Variants in FBN2 observed in about 807,000 individuals in gnomAD.
FBN2 encodes fibrillin-2.
A neutral mutation model predicts 355.6 loss-of-function variants in FBN2; 105 were observed. The observed-to-expected ratio is 0.30, with a 90% CI of 0.25 to 0.35. FBN2 has a LOEUF of 0.35. Ranked by LOEUF, FBN2 falls within the 10% of genes least tolerant of loss-of-function variation. FBN2 has a pLI of 1.00. For missense variants in FBN2, 3,280 were observed against 3,758.7 expected, an observed-to-expected ratio of 0.87 and a Z score of 3.33; for synonymous variants, 1,350 against 1,301.2, an observed-to-expected ratio of 1.04 and a Z score of -0.81.
intron 25 of FBN2, among the ~76,000 whole-genome samples, chr5:128,342,787 A>G (rs1207250229): frequency 6.6e-6 from 1 of 151,356 alleles, no homozygotes; most frequent in Admixed American, 6.6e-5. Context: ...GGAGTGCAAT[A>G]GCACGATCTC....
At chr5:128,403,110 A>C (rs1258693660) in intron 8 of FBN2, among the ~76,000 whole-genome samples, 2 of 152,144 alleles carry the variant, frequency 1.3e-5, no homozygotes, top group South Asian at 2.1e-4. Context: ...GCACACATGC[A>C]TGTGGAATCA....
intron 5 of FBN2, among the ~76,000 whole-genome samples, chr5:128,504,335 C>T (rs981525789): frequency 6.6e-6 from 1 of 152,162 alleles, no homozygotes; most frequent in African/African-American, 2.4e-5. Flanking sequence ...CACCATCCTC[C>T]AGACCCCAGA....
chr5:128,526,049 A>G (rs1412129515), intron 4 of FBN2, among the ~76,000 whole-genome samples: 1 of 152,106 alleles, frequency 6.6e-6, no homozygotes, highest in Non-Finnish European at 1.5e-5. Flanking sequence ...CCTTAACAGA[A>G]TATCTTTCTT....
At chr5:128,369,588 T>C (rs1050437260) in intron 15 of FBN2, among the ~76,000 whole-genome samples, 3 of 152,216 alleles carry the variant, frequency 2.0e-5, no homozygotes, top group African/African-American at 7.2e-5. Flanking sequence ...GTATCCATTG[T>C]CCGATGTATT....
chr5:128,297,135 T>G (rs1001853672), intron 48 of FBN2, among the ~76,000 whole-genome samples: 5 of 152,152 alleles, frequency 3.3e-5, no homozygotes, highest in African/African-American at 1.2e-4. Flanking sequence ...AGTTTCCATG[T>G]AGTTGAGCGG....
Position 128,288,530 on chromosome 5 carries a change from G to C in FBN2, c.6665C>G (p.Pro2222Arg). The C allele has an allele frequency of 6.2e-7, 1 of 1,613,686 alleles. No homozygotes were observed. The highest frequency in any genetic ancestry group is 8.5e-7 in the Non-Finnish European group (1 of 1,179,836). The change falls in exon 53 of 65, where the codon CCG (proline) becomes CGG (arginine). Residue 2222 changes from proline (P) to arginine (R), a missense_variant. Physicochemically the swap from Pro to Arg is moderately radical, Grantham distance 103. Coordinates refer to ENST00000262464, the MANE Select transcript of FBN2 (RefSeq NM_001999.4). ...VDTDECSIGN[P>R]CGNGTCTNVI... ...ATTGGTGCATGTACCATTTCCACAC[G>C]GATTGCCGATTGAACACTCATCAGT...
chr5:128,286,768 C>A lies in FBN2; in HGVS notation c.6962G>T (p.Cys2321Phe). The A allele has an allele frequency of 6.2e-7, 1 of 1,614,170 alleles. No individual in the cohort carries two copies. Among genetic ancestry groups the A allele is most frequent in the Non-Finnish European group, 8.5e-7 (1 of 1,179,984 alleles). Residue 2321 changes from cysteine to phenylalanine, a missense_variant, in exon 55 of 65, where the codon TGC (cysteine) becomes TTC (phenylalanine). Coordinates refer to ENST00000262464, the MANE Select transcript of FBN2 (RefSeq NM_001999.4). ...MCKNLIGTFM[C>F]ICPPGMARRP... ...TCGGGCCATTCCAGGAGGGCAGATG[C>A]ACATGAAGGTGCCGATTAGATTCTT...
At chr5:128,397,923 C>A (rs1752692935) in intron 8 of FBN2, among the ~76,000 whole-genome samples, 1 of 152,020 alleles carries the variant, frequency 6.6e-6, no homozygotes, top group African/African-American at 2.4e-5. Context: ...TTCCAAAGAG[C>A]CATATGCTTA....
At chr5:128,274,967 C>T (rs890383215) in intron 59 of FBN2, among the ~76,000 whole-genome samples, 2 of 152,318 alleles carry the variant, frequency 1.3e-5, no homozygotes, top group East Asian at 3.9e-4. Flanking sequence ...CTCAAAGCTA[C>T]TATCCAAAGG....
intron 29 of FBN2, 58 bp downstream of exon 29, chr5:128,335,397 A>T: frequency 6.2e-7 from 1 of 1,612,962 alleles, no homozygotes; most frequent in South Asian, 1.1e-5. Context: ...ATCTGGAGCC[A>T]TATTTTCAAG....
chr5:128,317,501 T>C (rs1402837689), intron 36 of FBN2, among the ~76,000 whole-genome samples: 1 of 152,180 alleles, frequency 6.6e-6, no homozygotes, highest in Middle Eastern at 3.2e-3. Flanking sequence ...CTGAGGACAG[T>C]AGGCAGATTT....
intron 5 of FBN2, among the ~76,000 whole-genome samples, chr5:128,500,020 C>CT (rs1755762549): frequency 6.6e-6 from 1 of 152,098 alleles, no homozygotes. Context: ...GTAATATGCA[C>CT]TTAATAAAGT....
chr5:128,498,130 C>G (rs1297593431), intron 5 of FBN2, among the ~76,000 whole-genome samples: 1 of 152,186 alleles, frequency 6.6e-6, no homozygotes, highest in Non-Finnish European at 1.5e-5. Flanking sequence ...CCTTTGGGGA[C>G]TCCAGAAAGA....
chr5:128,451,403 A>T (rs1009433624), intron 6 of FBN2, among the ~76,000 whole-genome samples: 4 of 152,078 alleles, frequency 2.6e-5, no homozygotes, highest in African/African-American at 9.7e-5. Context: ...TGTTATTATT[A>T]TTTTTTGAGA....
chr5:128,376,994 C>A, intron 13 of FBN2, 141 bp from the exon 14 acceptor site: 2 of 993,934 alleles, frequency 2.0e-6, no homozygotes, highest in South Asian at 2.7e-5. Context: ...AAAAAAAGAA[C>A]GCCAACTGAA....
intron 5 of FBN2, among the ~76,000 whole-genome samples, chr5:128,466,568 A>C (rs553935443): frequency 6.6e-6 from 1 of 152,308 alleles, no homozygotes; most frequent in South Asian, 2.1e-4. Flanking sequence ...ACCACATAAA[A>C]CTTCGATTTG....
intron 62 of FBN2, among the ~76,000 whole-genome samples, chr5:128,263,934 A>T (rs1237163757): frequency 6.6e-6 from 1 of 152,176 alleles, no homozygotes; most frequent in Non-Finnish European, 1.5e-5. Context: ...CCTAGTGAAT[A>T]ACTCTTCTAT....
chr5:128,387,120 C>T (rs1006532628), intron 11 of FBN2, among the ~76,000 whole-genome samples: 1 of 152,060 alleles, frequency 6.6e-6, no homozygotes, highest in East Asian at 1.9e-4. Context: ...AATTTCAGAA[C>T]TCATTTTTGG....
In FBN2 at chr5:128,475,775, G is replaced by A. The variant is rs183491654; in HGVS notation, c.629-10854C>T. ...GAAAGAACAGTCTACCTACAAAGGA[G>A]ATTAAATAGGCTAGCATTCGTTTTC... On this transcript the variant is annotated intron_variant, in intron 5 of 64. Coordinates refer to ENST00000262464, the MANE Select transcript of FBN2 (RefSeq NM_001999.4). Among the ~76,000 whole-genome samples, 7 of 152,288 alleles carry A rather than the reference G, an allele frequency of 4.6e-5. No individual in the cohort carries two copies. In the East Asian group the frequency reaches 1.3e-3, roughly 29 times the overall value.
Sources: allele counts gnomAD v4.1 joint callset (sites outside exome capture counted in the v4.1 genomes callset), GRCh38; gene constraint gnomAD v4.1.1; transcripts MANE v1.5; gene names NCBI Gene and HGNC (gene_info 2026-07-23, HGNC 2026-07-21).